The following KIAA1217 variants were observed in gnomAD, a reference collection of about 807,000 sequenced individuals.
The protein encoded by KIAA1217 is sickle tail protein homolog.
In KIAA1217, 88 loss-of-function variants were observed where a neutral mutation model predicts 163.9. The observed-to-expected ratio is 0.54, with a 90% CI of 0.45 to 0.64. KIAA1217 has a LOEUF of 0.64. KIAA1217 is among the 30% of genes least tolerant of loss of function. The pLI is 0.00. For missense variants in KIAA1217, 2,372 were observed against 2,475.0 expected, an observed-to-expected ratio of 0.96 and a Z score of 0.88; for synonymous variants, 903 against 923.1, an observed-to-expected ratio of 0.98 and a Z score of 0.39.
At chr10:23,837,539 T>A (rs1476436836) in intron 1 of KIAA1217, among the ~76,000 whole-genome samples, 1 of 152,136 alleles carries the variant, frequency 6.6e-6, no homozygotes, top group African/African-American at 2.4e-5. Flanking sequence ...ATCTCAGTCA[T>A]TTTTTCTTTT....
At chr10:23,716,502 G>A (rs1392093704) in intron 1 of KIAA1217, among the ~76,000 whole-genome samples, 6 of 152,152 alleles carry the variant, frequency 3.9e-5, no homozygotes, top group Non-Finnish European at 7.3e-5. Context: ...ATACCTACCT[G>A]CATTTACAGT....
At chr10:24,187,198 A>C (rs1333754965) in intron 2 of KIAA1217, among the ~76,000 whole-genome samples, 1 of 152,070 alleles carries the variant, frequency 6.6e-6, no homozygotes, top group African/African-American at 2.4e-5. Flanking sequence ...TCCTAACATG[A>C]GCTTCCTGTC....
At chr10:24,038,881 C>T (rs986189679) in intron 2 of KIAA1217, among the ~76,000 whole-genome samples, 1 of 151,378 alleles carries the variant, frequency 6.6e-6, no homozygotes, top group Non-Finnish European at 1.5e-5. Context: ...CCTCTTGGGA[C>T]TCTAGGCATG....
At chr10:24,180,130 G>A (rs542441397) in intron 2 of KIAA1217, among the ~76,000 whole-genome samples, 8 of 152,234 alleles carry the variant, frequency 5.3e-5, no homozygotes, top group African/African-American at 1.9e-4. Context: ...TGTATCTGCT[G>A]TTTCTCTATT....
chr10:24,023,795 C>G (rs746379411), intron 2 of KIAA1217, among the ~76,000 whole-genome samples: 1 of 151,534 alleles, frequency 6.6e-6, no homozygotes, highest in Non-Finnish European at 1.5e-5. Flanking sequence ...TGAAAAAACA[C>G]AAATACGTAT....
intron 2 of KIAA1217, among the ~76,000 whole-genome samples, chr10:24,236,682 TACTC>T (rs1403439775): frequency 6.6e-6 from 1 of 151,870 alleles, no homozygotes; most frequent in African/African-American, 2.4e-5. Flanking sequence ...GGCATGTTCT[TACTC>T]AGTTGCCCAA....
At chr10:24,405,397 A>G (rs1035964894) in intron 3 of KIAA1217, among the ~76,000 whole-genome samples, 1 of 152,222 alleles carries the variant, frequency 6.6e-6, no homozygotes, top group Non-Finnish European at 1.5e-5. Context: ...ATAAATTAGT[A>G]AACATGTTTT....
chr10:23,710,176 C>G (rs1437216974), intron 1 of KIAA1217, among the ~76,000 whole-genome samples: 1 of 147,614 alleles, frequency 6.8e-6, no homozygotes, highest in Non-Finnish European at 1.5e-5. Context: ...TTACCTTATG[C>G]AGACTGCACT....
intron 1 of KIAA1217, among the ~76,000 whole-genome samples, chr10:23,896,872 A>T (rs1413464802): frequency 2.0e-5 from 3 of 152,040 alleles, no homozygotes; most frequent in Non-Finnish European, 4.4e-5. Context: ...ACCTTTGATT[A>T]AGGGTGGGTG....
At chr10:23,883,381 A>T (rs1303660008) in intron 1 of KIAA1217, among the ~76,000 whole-genome samples, 2 of 151,990 alleles carry the variant, frequency 1.3e-5, no homozygotes, top group African/African-American at 4.8e-5. Flanking sequence ...TCTTGCTTAA[A>T]AAAAGGAAAT....
chr10:23,760,916 G>T (rs915674325), intron 1 of KIAA1217, among the ~76,000 whole-genome samples: 2 of 152,120 alleles, frequency 1.3e-5, no homozygotes, highest in Non-Finnish European at 2.9e-5. Context: ...CCCAAATTCA[G>T]TCATTAACTC....
intron 9 of KIAA1217, among the ~76,000 whole-genome samples, chr10:24,502,788 C>G (rs981535066): frequency 2.0e-5 from 3 of 152,146 alleles, no homozygotes; most frequent in African/African-American, 7.2e-5. Flanking sequence ...GTCAGGACTT[C>G]AAGACCAGCC....
At chr10:24,033,914 AAAT>A (rs1848290015) in intron 2 of KIAA1217, among the ~76,000 whole-genome samples, 1 of 152,244 alleles carries the variant, frequency 6.6e-6, no homozygotes, top group East Asian at 1.9e-4. Context: ...AAAAAGCTGA[AAAT>A]ATTTACTGTT....
At chr10:23,761,978 CT>C (rs1834279335) in intron 1 of KIAA1217, among the ~76,000 whole-genome samples, 2 of 152,312 alleles carry the variant, frequency 1.3e-5, no homozygotes, top group African/African-American at 4.8e-5. Flanking sequence ...ATTAACACCT[CT>C]ATACAAATAA....
At chr10:24,007,628 A>G (rs1024805840) in intron 2 of KIAA1217, among the ~76,000 whole-genome samples, 4 of 152,154 alleles carry the variant, frequency 2.6e-5, no homozygotes, top group African/African-American at 9.7e-5. Context: ...TATTTTTCAG[A>G]CCATGTATTA....
intron 1 of KIAA1217, among the ~76,000 whole-genome samples, chr10:23,866,573 G>A (rs1158344678): frequency 6.6e-6 from 1 of 151,962 alleles, no homozygotes. Flanking sequence ...CCTTTTCCCA[G>A]GCTTATCTCC....
chr10:24,064,184 T>A (rs979500387), intron 2 of KIAA1217, among the ~76,000 whole-genome samples: 27 of 152,280 alleles, frequency 1.8e-4, no homozygotes, highest in Non-Finnish European at 3.5e-4. Context: ...CTATGTTGAA[T>A]AGGAGTGGTG....
intron 2 of KIAA1217, among the ~76,000 whole-genome samples, chr10:24,137,306 A>G (rs1443213001): frequency 1.3e-5 from 2 of 152,186 alleles, no homozygotes; most frequent in Non-Finnish European, 2.9e-5. Flanking sequence ...TGAATCCTGC[A>G]GAGACCCAAT....
chr10:23,717,628 C>T (rs1837653463), intron 1 of KIAA1217, among the ~76,000 whole-genome samples: 1 of 151,896 alleles, frequency 6.6e-6, no homozygotes, highest in Non-Finnish European at 1.5e-5. Flanking sequence ...TCTTATTATT[C>T]CTAATAGAAT....
Sources: allele counts gnomAD v4.1 joint callset (sites outside exome capture counted in the v4.1 genomes callset), GRCh38; gene constraint gnomAD v4.1.1; transcripts MANE v1.5; gene names NCBI Gene and HGNC (gene_info 2026-07-23, HGNC 2026-07-21).